Variants in TMEM163 observed in about 807,000 individuals in gnomAD.
TMEM163 encodes the protein transmembrane protein 163.
In TMEM163, 17 loss-of-function variants were observed where a neutral mutation model predicts 29.3. The ratio of observed to expected loss-of-function variants is 0.58; its 90% confidence interval spans 0.40 to 0.87. The LOEUF (loss-of-function observed/expected upper bound fraction) is 0.87, where lower values mean the gene tolerates loss of function less well. Ranked by LOEUF, TMEM163 falls within the 40% of genes least tolerant of loss-of-function variation. The pLI is 0.00. For synonymous variants in TMEM163, 157 were observed against 160.6 expected, an observed-to-expected ratio of 0.98 and a Z score of 0.17; for missense variants, 303 against 381.5, an observed-to-expected ratio of 0.79 and a Z score of 1.71.
intron 2 of TMEM163, among the ~76,000 whole-genome samples, chr2:134,701,763 T>C (rs1487176056): frequency 6.6e-6 from 1 of 151,348 alleles, no homozygotes; most frequent in Non-Finnish European, 1.5e-5. Context: ...ACTAAAAATA[T>C]AAAAATTAGC....
At chr2:134,684,024 T>G (rs1311692640) in intron 2 of TMEM163, among the ~76,000 whole-genome samples, 1 of 152,188 alleles carries the variant, frequency 6.6e-6, no homozygotes, top group African/African-American at 2.4e-5. Context: ...GCCATTTATT[T>G]GTGCTAAAAT....
chr2:134,492,048 C>T (rs1201020933), intron 5 of TMEM163, among the ~76,000 whole-genome samples: 3 of 152,214 alleles, frequency 2.0e-5, no homozygotes, highest in African/African-American at 7.2e-5. Context: ...TGCATGAGAT[C>T]GGCCGTGGTT....
intron 2 of TMEM163, among the ~76,000 whole-genome samples, chr2:134,624,735 C>T (rs187943503): frequency 6.6e-6 from 1 of 152,008 alleles, no homozygotes; most frequent in African/African-American, 2.4e-5. Context: ...ATGGCGAAAC[C>T]CCGTCTGTAC....
intron 2 of TMEM163, among the ~76,000 whole-genome samples, chr2:134,568,822 C>CTAAA (rs1681359670): frequency 6.6e-6 from 1 of 152,144 alleles, no homozygotes; most frequent in South Asian, 2.1e-4. Context: ...TGTGAGCATT[C>CTAAA]TAAAGCAAGG....
intron 2 of TMEM163, among the ~76,000 whole-genome samples, chr2:134,619,941 C>G (rs151205678): frequency 3.2e-3 from 484 of 152,154 alleles, no homozygotes; most frequent in African/African-American, 0.011. Context: ...ACTATGGCTT[C>G]AAAAAGAATA....
intron 2 of TMEM163, among the ~76,000 whole-genome samples, chr2:134,645,886 T>G (rs978811565): frequency 1.3e-5 from 2 of 152,214 alleles, no homozygotes; most frequent in African/African-American, 4.8e-5. Context: ...GTAGTTAACA[T>G]GATCTTACAA....
At position 134,466,141 on chromosome 2, in the gene TMEM163, G is replaced by A. The variant is rs1274493212; in HGVS notation, c.640C>T (p.Leu214=). The A allele has an allele frequency of 1.2e-6, 2 of 1,613,694 alleles. No individual in the cohort carries two copies. The highest frequency in any genetic ancestry group is 4.5e-5 in the East Asian group (2 of 44,892). Reference sequence around the variant, plus strand: ...TCTGTTATGAGTGCTCTACTGGTCAGAACCTTCCCCAGCATGAACTTCAAC... The same window carrying A: ...TCTGTTATGAGTGCTCTACTGGTCAAAACCTTCCCCAGCATGAACTTCAAC... ...AVLKFMLGKV[L]TSRALITDGF... is the part of the protein sequence containing the mutation. The change falls in exon 6 of 8, where the codon CTG becomes TTG. Residue 214 remains leucine, a synonymous_variant. Transcript: ENST00000281924.
chr2:134,643,262 A>T (rs1683260565), intron 2 of TMEM163, among the ~76,000 whole-genome samples: 1 of 152,066 alleles, frequency 6.6e-6, no homozygotes. Flanking sequence ...ATTCCTCCCT[A>T]AACTACCAAA....
intron 4 of TMEM163, among the ~76,000 whole-genome samples, chr2:134,545,931 T>G (rs897193080): frequency 8.5e-5 from 13 of 152,212 alleles, no homozygotes; most frequent in Non-Finnish European, 2.9e-5. Flanking sequence ...CTTGGCTACT[T>G]TATTCTCTCT....
intron 2 of TMEM163, among the ~76,000 whole-genome samples, chr2:134,618,273 C>G: frequency 6.6e-6 from 1 of 152,032 alleles, no homozygotes; most frequent in Non-Finnish European, 1.5e-5. Flanking sequence ...ATCTTAATAT[C>G]AGACAAAATA....
Position 134,563,611 on chromosome 2 carries a change from G to A in TMEM163, c.323-11520C>T, listed in dbSNP as rs141228032. ...CTAGAAAAGCAATGAAATATTTTAG[G>A]AGAAATTAAAGACAACTATTAAATA... On this transcript the variant is annotated intron_variant, in intron 2 of 7. Coordinates refer to ENST00000281924, the MANE Select transcript of TMEM163 (RefSeq NM_030923.5). Among the ~76,000 whole-genome samples, 1,305 of 152,264 alleles carry A rather than the reference G, an allele frequency of 8.6e-3. 20 individuals are homozygous for A. The highest frequency in any genetic ancestry group is 0.029 in the African/African-American group (1,198 of 41,552).
intron 4 of TMEM163, among the ~76,000 whole-genome samples, chr2:134,532,235 G>C (rs1475991423): frequency 6.6e-6 from 1 of 152,130 alleles, no homozygotes; most frequent in African/African-American, 2.4e-5. Context: ...CTAAATGCTG[G>C]CCCAGCTATT....
intron 4 of TMEM163, among the ~76,000 whole-genome samples, chr2:134,505,239 C>CCTTTTTTTTTTTTTT (rs373282805): frequency 7.7e-6 from 1 of 130,234 alleles, no homozygotes. Context: ...TGGGGAATTC[C>CCTTTTTTTTTTTTTT]TTTTTTTTTT....
intron 5 of TMEM163, among the ~76,000 whole-genome samples, chr2:134,484,303 T>A (rs1679266484): frequency 6.6e-6 from 1 of 151,830 alleles, no homozygotes; most frequent in Non-Finnish European, 1.5e-5. Context: ...TCTTACAAGC[T>A]CCATAGAGAA....
intron 2 of TMEM163, among the ~76,000 whole-genome samples, chr2:134,558,779 T>C (rs972295947): frequency 6.6e-6 from 1 of 152,188 alleles, no homozygotes; most frequent in Non-Finnish European, 1.5e-5. Context: ...CTCTCCAAAG[T>C]CATGCAACAA....
chr2:134,460,866 G>C lies in TMEM163; in HGVS notation c.668-2693C>G, dbSNP rs1274698237. ...CACATGTTTGCTGCTTCTTCTAGGA[G>C]GAGACTCTGCCTTGCCTGGCTCGGC... On this transcript the variant is annotated intron_variant, in intron 6 of 7. Coordinates refer to ENST00000281924, the MANE Select transcript of TMEM163 (RefSeq NM_030923.5). The surrounding 1 kb of genome is among the most constrained non-coding windows in gnomAD (Gnocchi z 4.3). Among the ~76,000 whole-genome samples the C allele has an allele frequency of 6.6e-6, 1 of 152,260 alleles. No homozygotes were observed.
chr2:134,648,538 C>T (rs1223317026), intron 2 of TMEM163, among the ~76,000 whole-genome samples: 5 of 152,142 alleles, frequency 3.3e-5, no homozygotes. Context: ...TTCCCTACCT[C>T]CTGTCCCTAT....
chr2:134,461,742 G>T (rs1181678625), intron 6 of TMEM163, among the ~76,000 whole-genome samples: 1 of 152,196 alleles, frequency 6.6e-6, no homozygotes, highest in Non-Finnish European at 1.5e-5. Flanking sequence ...GGACACCCCA[G>T]CGACAAGTGA....
intron 2 of TMEM163, among the ~76,000 whole-genome samples, chr2:134,628,267 C>T (rs2104830054): frequency 6.6e-6 from 1 of 152,340 alleles, no homozygotes; most frequent in Admixed American, 6.5e-5. Context: ...ACACAAAACT[C>T]CTACATGCCT....
Sources: allele counts gnomAD v4.1 joint callset (sites outside exome capture counted in the v4.1 genomes callset), GRCh38; gene constraint gnomAD v4.1.1; non-coding constraint Gnocchi (gnomAD v3.1); transcripts MANE v1.5; gene names NCBI Gene and HGNC (gene_info 2026-07-23, HGNC 2026-07-21).